SNAPC2: variants seen among roughly 807,000 people sequenced by gnomAD.
SNAPC2 encodes the protein small nuclear RNA activating complex polypeptide 2.
Under a neutral mutation model 22.9 loss-of-function variants are expected in SNAPC2, and 27 were observed. That is an observed-to-expected ratio of 1.18 (90% CI 0.87 to 1.63). The LOEUF (loss-of-function observed/expected upper bound fraction) is 1.63. Among genes scored for constraint, SNAPC2 ranks in the 40% most tolerant of loss-of-function variants. SNAPC2 has a pLI of 0.00. For synonymous variants in SNAPC2, 272 were observed against 201.0 expected (o/e 1.35, Z -2.99); for missense variants, 570 against 449.1 (o/e 1.27, Z -2.43).
At position 7,922,101 on chromosome 19, in the gene SNAPC2, GCCCGT is replaced by G; in HGVS notation, c.440_444del (p.Ala147GlyfsTer18). The G allele has an allele frequency of 1.2e-6, 2 of 1,613,878 alleles. No individual in the cohort carries two copies. Among genetic ancestry groups the G allele is most frequent in the Non-Finnish European group, 1.7e-6 (2 of 1,179,932 alleles). On this transcript the variant is annotated frameshift_variant, in exon 4 of 5. Coordinates refer to ENST00000221573, the MANE Select transcript of SNAPC2 (RefSeq NM_003083.4). LOFTEE classifies it high-confidence loss of function. ...CTCCAAGCCCCCCAAGCCCACGCAG[GCCCGT>G]GGAAAGCCTTTGCTCCTGAGCGCCC...
intron 1 of SNAPC2, chr19:7,920,802 C>T: frequency 1.2e-5 from 1 of 82,878 alleles, no homozygotes; most frequent in Non-Finnish European, 1.5e-5. Flanking sequence ...ATAAGTGAAG[C>T]GGAGGGGCGG....
chr19:7,920,370 A>C lies in SNAPC2; in HGVS notation c.4A>C (p.Lys2Gln). 1 of 1,575,074 alleles carries C rather than the reference A, an allele frequency of 6.3e-7. No homozygotes were observed. The highest frequency in any genetic ancestry group is 1.1e-5 in the South Asian group (1 of 89,150). The stretch of plus-strand genomic sequence containing the variant: ...CGCCTGCCTCTTTCTGAGCGGCATG[A>C]AGCCACCTCCCAGGCGGCGAGCGGC... M[K>Q]PPPRRRAAPA... is the part of the protein sequence containing the mutation. The change falls in exon 1 of 5, where the codon AAG (lysine) becomes CAG (glutamine). Residue 2 changes from lysine (K) to glutamine (Q), a missense_variant. Coordinates refer to ENST00000221573, the MANE Select transcript of SNAPC2 (RefSeq NM_003083.4).
intron 1 of SNAPC2, chr19:7,921,041 G>A (rs1983550390): frequency 8.6e-7 from 1 of 1,163,300 alleles, no homozygotes; most frequent in African/African-American, 1.6e-5. Flanking sequence ...GGCTAAACGG[G>A]CGGAATGAAC....
Position 7,922,806 on chromosome 19 carries a change from G to A in SNAPC2, c.*42G>A. On this transcript the variant is annotated 3_prime_UTR_variant, in exon 5 of 5. Transcript: ENST00000221573. The stretch of plus-strand genomic sequence containing the variant: ...GAGGCCACACCAGGCCCCCCGCCCT[G>A]CCCCTCGGTTCTGCTCGGCTGGCCC... 8.2e-6 allele frequency: 12 copies of A among 1,460,450 alleles called. No homozygotes were observed. Among genetic ancestry groups the A allele is most frequent in the Non-Finnish European group, 1.1e-5 (12 of 1,081,000 alleles). 90.5% of individuals were successfully genotyped at this position (1,460,450 alleles called of 1,614,324 possible). A position where few individuals can be genotyped will look rare whatever the true frequency, so the allele number is the denominator to read the frequency against.
intron 1 of SNAPC2, 122 bp downstream of exon 1, chr19:7,920,671 T>A: frequency 5.4e-6 from 1 of 184,490 alleles, no homozygotes; most frequent in Non-Finnish European, 7.2e-6. Flanking sequence ...AGCGGGGGCG[T>A]GGCGTGGGGC....
chr19:7,922,903 AG>A lies in SNAPC2; in HGVS notation c.*140del, dbSNP rs1480746248. On this transcript the variant is annotated 3_prime_UTR_variant, in exon 5 of 5. Transcript: ENST00000221573. ...TGCTCAGCTGTGGGGCGGGCCTCTA[AG>A]ATGCCCCATACTTTGGGGGTCTCAG... The A allele has an allele frequency of 2.9e-6, 2 of 683,192 alleles. No individual in the cohort carries two copies. The highest frequency in any genetic ancestry group is 4.8e-6 in the Non-Finnish European group (2 of 416,584). 42.3% of individuals were successfully genotyped at this position (683,192 alleles called of 1,614,324 possible).
Position 7,922,918 on chromosome 19 carries a change from T to TG in SNAPC2, c.*159dup. 3.3e-6 allele frequency: 2 copies of TG among 605,652 alleles called. No homozygotes were observed. The highest frequency in any genetic ancestry group is 2.3e-5 in the South Asian group (1 of 42,612). 37.5% of individuals were successfully genotyped at this position (605,652 alleles called of 1,614,324 possible). ...CGGGCCTCTAAGATGCCCCATACTT[T>TG]GGGGGTCTCAGAAATGGAACCCCCG... On this transcript the variant is annotated 3_prime_UTR_variant, in exon 5 of 5. Coordinates refer to ENST00000221573, the MANE Select transcript of SNAPC2 (RefSeq NM_003083.4).
In SNAPC2 at chr19:7,921,942, G is replaced by C. The variant is rs1342393696; in HGVS notation, c.373-93G>C. On this transcript the variant is annotated intron_variant, in intron 3 of 4. Coordinates refer to ENST00000221573, the MANE Select transcript of SNAPC2 (RefSeq NM_003083.4). ...GCTCTGAGGCCATCTCTTGTCTGAG[G>C]AGCATCTTAGGGTGGCAGGGAGGAT... 3 of 1,443,880 alleles carry C rather than the reference G, an allele frequency of 2.1e-6. No homozygotes were observed. In the South Asian group the frequency reaches 3.8e-5, roughly 18 times the overall value. The allele number at this position is 1,443,880 out of a possible 1,614,324, so 89.4% of individuals were successfully genotyped here. A position where few individuals can be genotyped will look rare whatever the true frequency, so the allele number is the denominator to read the frequency against.
Position 7,922,688 on chromosome 19 carries a change from C to G in SNAPC2, c.929C>G (p.Ala310Gly), listed in dbSNP as rs1983628305. 2 of 1,613,332 alleles carry G rather than the reference C, an allele frequency of 1.2e-6. No homozygotes were observed. The highest frequency in any genetic ancestry group is 1.7e-5 in the Admixed American group (1 of 59,986). Residue 310 changes from alanine to glycine, a missense_variant, in exon 5 of 5, where the codon GCA becomes GGA. Ala to Gly is a moderately conservative substitution (Grantham distance 60). Coordinates refer to ENST00000221573, the MANE Select transcript of SNAPC2 (RefSeq NM_003083.4). ...AGCGAACTGAAATCGCCTTGGCAAG[C>G]AGCTGGGATCTGTCCCCTGAACCCG... ...EHSELKSPWQ[A>G]AGICPLNPFL...
chr19:7,922,335 C>G lies in SNAPC2; in HGVS notation c.673C>G (p.Leu225Val). Residue 225 changes from leucine to valine, a missense_variant, in exon 4 of 5, where the codon CTC (leucine) becomes GTC (valine). Transcript: ENST00000221573. ...SVSRSGRSPE[L>V]SAAESAVVLD... ...CTCCCGAAGTGGCCGCAGCCCCGAGCTCTCAGCAGCTGGTGAGAAGGGTGA... is the reference window on the plus strand; with the variant it reads ...CTCCCGAAGTGGCCGCAGCCCCGAGGTCTCAGCAGCTGGTGAGAAGGGTGA... 1 of 1,613,108 alleles carries G rather than the reference C, an allele frequency of 6.2e-7. No individual in the cohort carries two copies. The highest frequency in any genetic ancestry group is 8.5e-7 in the Non-Finnish European group (1 of 1,179,496).
chr19:7,922,900 C>T lies in SNAPC2; in HGVS notation c.*136C>T, dbSNP rs532303097. On this transcript the variant is annotated 3_prime_UTR_variant, in exon 5 of 5. Coordinates refer to ENST00000221573, the MANE Select transcript of SNAPC2 (RefSeq NM_003083.4). ...TGATGCTCAGCTGTGGGGCGGGCCT[C>T]TAAGATGCCCCATACTTTGGGGGTC... 4.3e-6 allele frequency: 3 copies of T among 692,238 alleles called. No homozygotes were observed. The highest frequency in any genetic ancestry group is 2.8e-5 in the East Asian group (1 of 36,352). 42.9% of individuals were successfully genotyped at this position (692,238 alleles called of 1,614,324 possible).
At position 7,920,357 on chromosome 19, in the gene SNAPC2, T is replaced by A. The variant is rs1430555759; in HGVS notation, c.-10T>A. ...AGCGACCTTACAGCGCCTGCCTCTT[T>A]CTGAGCGGCATGAAGCCACCTCCCA... On this transcript the variant is annotated 5_prime_UTR_variant, in exon 1 of 5. Transcript: ENST00000221573. The A allele has an allele frequency of 2.1e-5, 33 of 1,565,266 alleles. No homozygotes were observed. The highest frequency in any genetic ancestry group is 2.8e-5 in the Non-Finnish European group (33 of 1,164,110).
In SNAPC2 at chr19:7,921,515, G is replaced by A. The variant is rs1349182190; in HGVS notation, c.276G>A (p.Arg92=). The change falls in exon 2 of 5, where the codon CGG becomes CGA. Residue 92 remains arginine, a synonymous_variant. Coordinates refer to ENST00000221573, the MANE Select transcript of SNAPC2 (RefSeq NM_003083.4). ...GTGGCCTTCAGGGACCAAGGCGCCG[G>A]GAGGCACAGCCCCCAGCCCCCATAG... ...HPGGLQGPRR[R]EAQPPAPIEV... 6.2e-7 allele frequency: 1 copy of A among 1,613,502 alleles called. No homozygotes were observed. The highest frequency in any genetic ancestry group is 2.2e-5 in the East Asian group (1 of 44,884).
rs114183524 is a variant in SNAPC2 at position 7,922,774 on chromosome 19, C to A, written c.*10C>A. Reference sequence around the variant, plus strand: ...CACCCCTGCCAGGTGAGGGGCATGGCGGGCAGGAGGCCACACCAGGCCCCC... The same window carrying A: ...CACCCCTGCCAGGTGAGGGGCATGGAGGGCAGGAGGCCACACCAGGCCCCC... On this transcript the variant is annotated 3_prime_UTR_variant, in exon 5 of 5. Transcript: ENST00000221573. 4.5e-6 allele frequency: 7 copies of A among 1,562,798 alleles called. No homozygotes were observed. Among genetic ancestry groups the A allele is most frequent in the Non-Finnish European group, 6.1e-6 (7 of 1,150,110 alleles).
intron 1 of SNAPC2, chr19:7,921,202 A>G (rs1436500717): frequency 4.9e-6 from 7 of 1,419,398 alleles, no homozygotes; most frequent in Admixed American, 5.7e-5. Context: ...TGGCTGCGTG[A>G]AGGAGCCGGA....
chr19:7,922,562 C>G lies in SNAPC2; in HGVS notation c.803C>G (p.Pro268Arg). 6.2e-7 allele frequency: 1 copy of G among 1,613,628 alleles called. No homozygotes were observed. The highest frequency in any genetic ancestry group is 8.5e-7 in the Non-Finnish European group (1 of 1,179,860). The stretch of plus-strand genomic sequence containing the variant: ...TACCTACGCCTGACAGCCCCCCAGC[C>G]CATTCCCGCTGGAGGGAGCCTGGGG... Reference protein sequence around the residue: ...ETYLRLTAPQPIPAGGSLGPA... With the variant: ...ETYLRLTAPQRIPAGGSLGPA... Residue 268 changes from proline (P) to arginine (R), a missense_variant, in exon 5 of 5, where the codon CCC becomes CGC. Coordinates refer to ENST00000221573, the MANE Select transcript of SNAPC2 (RefSeq NM_003083.4).
In SNAPC2 at chr19:7,922,050, G is replaced by C; in HGVS notation, c.388G>C (p.Ala130Pro). The C allele has an allele frequency of 6.2e-7, 1 of 1,608,628 alleles. No homozygotes were observed. The part of the protein sequence containing the change: ...VAFSQVLTIA[A>P]TEPVTLLHSK... Reference sequence around the variant, plus strand: ...TGCCTGCCAGGTGCTCACCATCGCGGCCACGGAACCGGTCACCCTCCTGCA... The same window carrying C: ...TGCCTGCCAGGTGCTCACCATCGCGCCCACGGAACCGGTCACCCTCCTGCA... Residue 130 changes from alanine (A) to proline (P), a missense_variant, in exon 4 of 5, where the codon GCC becomes CCC. Transcript: ENST00000221573.
intron 3 of SNAPC2, 55 bp downstream of exon 3, chr19:7,921,828 G>A (rs1983585469): frequency 2.6e-6 from 4 of 1,559,120 alleles, no homozygotes; most frequent in Non-Finnish European, 3.5e-6. Flanking sequence ...GGTCACATGG[G>A]CCAAATCATG....
chr19:7,922,420 AC>A (rs1347939870), intron 4 of SNAPC2, 24 bp from the exon 5 acceptor site: 1 of 1,581,122 alleles, frequency 6.3e-7, no homozygotes, highest in Non-Finnish European at 8.6e-7. Context: ...GTGTCCCCTT[AC>A]CCCTCTCCTC....
Sources: allele counts gnomAD v4.1 joint callset, GRCh38; gene constraint gnomAD v4.1.1; transcripts MANE v1.5; gene names NCBI Gene and HGNC (gene_info 2026-07-23, HGNC 2026-07-21).